Variants in MRPS28 observed in about 807,000 individuals in gnomAD.
MRPS28 encodes small ribosomal subunit protein bS1m.
A neutral mutation model predicts 10.8 loss-of-function variants in MRPS28; 7 were observed. The ratio of observed to expected loss-of-function variants is 0.65; its 90% CI spans 0.37 to 1.22. MRPS28 has a LOEUF of 1.22. MRPS28 is among the 50% of genes most tolerant of loss of function. MRPS28 has a pLI of 0.02. For synonymous variants in MRPS28, 121 were observed against 93.3 expected, an observed-to-expected ratio of 1.30 and a Z score of -1.71; for missense variants, 265 against 232.9, an observed-to-expected ratio of 1.14 and a Z score of -0.90.
At chr8:79,994,222 T>G (rs1808438456) in intron 2 of MRPS28, among the ~76,000 whole-genome samples, 1 of 152,200 alleles carries the variant, frequency 6.6e-6, no homozygotes, top group Non-Finnish European at 1.5e-5. Context: ...AATTTGGCTC[T>G]TTGACCAAAG....
chr8:79,998,690 A>G (rs1413349176), intron 2 of MRPS28, among the ~76,000 whole-genome samples: 1 of 152,232 alleles, frequency 6.6e-6, no homozygotes, highest in African/African-American at 2.4e-5. Flanking sequence ...CTTTATCCCC[A>G]ATAAGCAATA....
intron 2 of MRPS28, among the ~76,000 whole-genome samples, chr8:79,955,106 G>T (rs1460873576): frequency 6.6e-6 from 1 of 152,142 alleles, no homozygotes; most frequent in Non-Finnish European, 1.5e-5. Flanking sequence ...AGTCGATAAG[G>T]TACTGCTTTA....
intron 2 of MRPS28, among the ~76,000 whole-genome samples, chr8:79,950,829 G>A (rs60272901): frequency 0.038 from 5,847 of 152,260 alleles, 302 homozygotes; most frequent in African/African-American, 0.11. Context: ...AAGTCAGTCA[G>A]TGTGAAGTCA....
intron 2 of MRPS28, among the ~76,000 whole-genome samples, chr8:79,963,587 G>A (rs1368568221): frequency 6.6e-6 from 1 of 152,082 alleles, no homozygotes; most frequent in African/African-American, 2.4e-5. Flanking sequence ...ACAGACTTAG[G>A]TCAATAAGAA....
At chr8:80,029,952 C>T in intron 1 of MRPS28, 84 bp downstream of exon 1, 1 of 1,542,324 alleles carries the variant, frequency 6.5e-7, no homozygotes, top group Non-Finnish European at 8.7e-7. Context: ...CCTTCCTAAG[C>T]CAGGCTCCGC....
At chr8:79,919,612 G>T (rs1270415592) in intron 2 of MRPS28, among the ~76,000 whole-genome samples, 1 of 152,152 alleles carries the variant, frequency 6.6e-6, no homozygotes, top group East Asian at 1.9e-4. Flanking sequence ...GGGATAACAG[G>T]TGTGAGTCAC....
At chr8:80,029,976 C>T in intron 1 of MRPS28, 60 bp downstream of exon 1, 1 of 1,579,596 alleles carries the variant, frequency 6.3e-7, no homozygotes. Context: ...TATTCCCGAC[C>T]CCGCCCACCG....
intron 1 of MRPS28, among the ~76,000 whole-genome samples, chr8:80,026,651 AAAGT>A (rs1260916903): frequency 1.3e-5 from 2 of 152,220 alleles, no homozygotes; most frequent in Non-Finnish European, 2.9e-5. Flanking sequence ...TACTGGGAAA[AAAGT>A]TAGTAAAAAT....
chr8:79,940,912 A>G (rs1339378378), intron 2 of MRPS28, among the ~76,000 whole-genome samples: 3 of 152,214 alleles, frequency 2.0e-5, no homozygotes, highest in Non-Finnish European at 4.4e-5. Context: ...ATTGATTTTT[A>G]TTTCATTATT....
chr8:79,960,667 G>A (rs1465662703), intron 2 of MRPS28, among the ~76,000 whole-genome samples: 1 of 152,134 alleles, frequency 6.6e-6, no homozygotes, highest in Non-Finnish European at 1.5e-5. Context: ...TTAAAGAAAA[G>A]TGCAGAAGAA....
At position 80,030,233 on chromosome 8, in the gene MRPS28, G is replaced by T. The variant is rs148719287; in HGVS notation, c.16C>A (p.Arg6=). Residue 6 remains arginine, a synonymous_variant, in exon 1 of 3, where the codon CGG becomes AGG. Transcript: ENST00000276585. MAALC[R]TRAVAAESHF... ...CTCTCGGCAGCCACAGCACGGGTCC[G>T]ACACAGCGCCGCCATGACTTCTTTA... is the stretch of plus-strand genomic sequence containing the variant. 6.2e-7 allele frequency: 1 copy of T among 1,614,060 alleles called. No individual in the cohort carries two copies. The highest frequency in any genetic ancestry group is 1.1e-5 in the South Asian group (1 of 91,074).
At chr8:79,985,043 A>G (rs1269046883) in intron 2 of MRPS28, among the ~76,000 whole-genome samples, 1 of 152,216 alleles carries the variant, frequency 6.6e-6, no homozygotes, top group African/African-American at 2.4e-5. Context: ...CTCCTCAGCA[A>G]ATGTAAAAGA....
intron 2 of MRPS28, among the ~76,000 whole-genome samples, chr8:79,932,564 G>A (rs1310998297): frequency 6.6e-6 from 1 of 152,204 alleles, no homozygotes; most frequent in Non-Finnish European, 1.5e-5. Context: ...AAAGTAAACG[G>A]TTTGGGGTTT....
At chr8:79,948,849 C>G (rs1376864937) in intron 2 of MRPS28, among the ~76,000 whole-genome samples, 3 of 152,026 alleles carry the variant, frequency 2.0e-5, no homozygotes, top group Non-Finnish European at 4.4e-5. Flanking sequence ...TTTTCAAAAG[C>G]TATTTCTTGA....
chr8:79,945,863 A>G (rs1266573574), intron 2 of MRPS28, among the ~76,000 whole-genome samples: 1 of 152,174 alleles, frequency 6.6e-6, no homozygotes, highest in Non-Finnish European at 1.5e-5. Context: ...AAAACAACTA[A>G]TATTTACTGA....
intron 2 of MRPS28, among the ~76,000 whole-genome samples, chr8:79,980,928 T>C (rs1563532324): frequency 6.6e-6 from 1 of 152,208 alleles, no homozygotes; most frequent in Non-Finnish European, 1.5e-5. Context: ...CTATTAATAA[T>C]AGAATTCATA....
chr8:80,029,406 A>C (rs184418719), intron 1 of MRPS28, among the ~76,000 whole-genome samples: 1 of 152,280 alleles, frequency 6.6e-6, no homozygotes, highest in African/African-American at 2.4e-5. Context: ...TTAGGCTTGT[A>C]ATTTTATTTC....
At chr8:79,951,446 A>T (rs1474685402) in intron 2 of MRPS28, among the ~76,000 whole-genome samples, 1 of 152,190 alleles carries the variant, frequency 6.6e-6, no homozygotes, top group African/African-American at 2.4e-5. Context: ...CACAGGCAGC[A>T]ATCCCTTGGG....
At chr8:80,010,044 A>G (rs2130191147) in intron 1 of MRPS28, among the ~76,000 whole-genome samples, 1 of 152,348 alleles carries the variant, frequency 6.6e-6, no homozygotes. Context: ...TCCAAAAGAA[A>G]AACAGCTTGT....
Sources: gnomAD v4.1 joint callset for allele counts (sites outside exome capture counted in the v4.1 genomes callset) on GRCh38, gnomAD v4.1.1 for gene constraint, MANE v1.5 for transcripts, NCBI Gene and HGNC (gene_info 2026-07-23, HGNC 2026-07-21) for gene names.